The following RBCK1 variants were observed in gnomAD, a reference collection of about 807,000 sequenced individuals.
RBCK1 encodes the protein RANBP2-type and C3HC4-type zinc finger containing 1.
A neutral mutation model predicts 71.1 loss-of-function variants in RBCK1; 44 were observed. That is an observed-to-expected ratio of 0.62 (90% confidence interval 0.49 to 0.80). RBCK1 has a LOEUF of 0.80. Among genes scored for constraint, RBCK1 ranks in the 30% least tolerant of loss-of-function variants. RBCK1 has a pLI of 0.00. For missense variants in RBCK1, 569 were observed against 685.0 expected, an observed-to-expected ratio of 0.83 and a Z score of 1.89; for synonymous variants, 306 against 279.7, an observed-to-expected ratio of 1.09 and a Z score of -0.94.
rs2016064643 is a variant in RBCK1, at chr20:417,480, G to A, written c.168-46G>A. 1.3e-6 allele frequency: 2 copies of A among 1,574,440 alleles called. No homozygotes were observed. Among genetic ancestry groups the A allele is most frequent in the Admixed American group, 1.7e-5 (1 of 59,918 alleles). ...ATGTCTGTAGCCGGTGGCTGAGGCTGGACCCCTGGCCAGAGCCCATGCTGA... is the reference window on the plus strand; with the variant it reads ...ATGTCTGTAGCCGGTGGCTGAGGCTAGACCCCTGGCCAGAGCCCATGCTGA... On this transcript the variant is annotated intron_variant, in intron 2 of 11. Transcript: ENST00000356286. This position sits in a 1 kb window ranked among gnomAD's most constrained non-coding sequence, Gnocchi z 4.7.
chr20:415,528 G>A (rs1234157688), intron 2 of RBCK1, among the ~76,000 whole-genome samples: 2 of 152,034 alleles, frequency 1.3e-5, no homozygotes, highest in Non-Finnish European at 2.9e-5. Context: ...AGCCAAACAA[G>A]ATCTACATGT....
intron 8 of RBCK1, among the ~76,000 whole-genome samples, chr20:423,019 T>C (rs1349020731): frequency 6.6e-6 from 1 of 151,854 alleles, no homozygotes; most frequent in Non-Finnish European, 1.5e-5. Context: ...TAGTAGTACA[T>C]CCAGGCGCAG....
chr20:422,688 C>T lies in RBCK1; in HGVS notation c.1029+450C>T, dbSNP rs527251870. Among the ~76,000 whole-genome samples the T allele has an allele frequency of 2.6e-4, 40 of 152,154 alleles. No homozygotes were observed. The highest frequency in any genetic ancestry group is 2.1e-3 in the Admixed American group (32 of 15,272). ...AAAAATAGCCAGGCGCGGGGGCATG[C>T]GCCTGTAGTCCTAGCTACTTGGGTG... On this transcript the variant is annotated intron_variant, in intron 8 of 11. Transcript: ENST00000356286. The surrounding 1 kb of genome is among the most constrained non-coding windows in gnomAD (Gnocchi z 5.0).
chr20:423,119 G>C (rs527577878), intron 8 of RBCK1, among the ~76,000 whole-genome samples: 1 of 152,312 alleles, frequency 6.6e-6, no homozygotes, highest in East Asian at 1.9e-4. Flanking sequence ...GACTAACATG[G>C]AGAAACCCCA....
At chr20:419,314 G>T (rs745843150) in intron 4 of RBCK1, 33 bp from the exon 5 acceptor site, 1 of 1,610,832 alleles carries the variant, frequency 6.2e-7, no homozygotes, top group Admixed American at 1.7e-5. Context: ...AGTGGGCCGC[G>T]TGGAACCACC....
intron 2 of RBCK1, among the ~76,000 whole-genome samples, chr20:411,732 G>C (rs116063345): frequency 9.1e-4 from 139 of 152,270 alleles, no homozygotes; most frequent in African/African-American, 3.3e-3. Context: ...GGCTGGTCTT[G>C]AACTTCTGGC....
In RBCK1 at chr20:417,395, T is replaced by TTGTGTGTG. The variant is rs67707964; in HGVS notation, c.168-110_168-103dup. On this transcript the variant is annotated intron_variant, in intron 2 of 11. Coordinates refer to ENST00000356286, the MANE Select transcript of RBCK1 (RefSeq NM_031229.4). This position sits in a 1 kb window ranked among gnomAD's most constrained non-coding sequence, Gnocchi z 4.7. The stretch of plus-strand genomic sequence containing the variant: ...GGTGGGGCCTACCCCAGACTGGGGT[T>TTGTGTGTG]TGTGTGTGTGTGTGTGTGTGTGTGT... 1.9e-3 allele frequency: 1,455 copies of TTGTGTGTG among 765,710 alleles called. 2 individuals carry two copies. In the South Asian group the frequency reaches 0.02, roughly 10 times the overall value. 47.4% of individuals were successfully genotyped at this position (765,710 alleles called of 1,614,324 possible).
In RBCK1 at chr20:420,974, C is replaced by A; in HGVS notation, c.860C>A (p.Ser287Ter). Residue 287 changes from serine to a stop codon, truncating the protein, a stop_gained, in exon 7 of 12, where the codon TCG (serine) becomes TAG (stop). Transcript: ENST00000356286. LOFTEE classifies it high-confidence loss of function. The stretch of plus-strand genomic sequence containing the variant: ...CCCGCCGAGTGCCCCGTGTGCTACT[C>A]GGTGCTGGCGCCCGGCGAGGCCGTG... ...TEPAECPVCY[S>*]VLAPGEAVVL... 1 of 1,562,444 alleles carries A rather than the reference C, an allele frequency of 6.4e-7. No individual in the cohort carries two copies.
intron 7 of RBCK1, 146 bp from the exon 8 acceptor site, chr20:421,981 G>T (rs1342732107): frequency 4.9e-6 from 3 of 611,790 alleles, no homozygotes; most frequent in East Asian, 2.8e-5. Context: ...TTGGTGAGAG[G>T]GATGGGAAGG....
intron 8 of RBCK1, among the ~76,000 whole-genome samples, chr20:425,934 T>G (rs933282959): frequency 1.3e-5 from 2 of 152,222 alleles, no homozygotes; most frequent in Admixed American, 6.5e-5. Context: ...TGGTGCATCT[T>G]ATATATTATT....
intron 2 of RBCK1, among the ~76,000 whole-genome samples, chr20:411,618 A>G (rs76201975): frequency 6.6e-6 from 1 of 151,242 alleles, no homozygotes; most frequent in Non-Finnish European, 1.5e-5. Flanking sequence ...CCGCCCGCCT[A>G]TGCCTCCCAA....
At chr20:429,243 T>G in intron 11 of RBCK1, 149 bp downstream of exon 11, 2 of 1,008,134 alleles carry the variant, frequency 2.0e-6, no homozygotes, top group Admixed American at 3.5e-5. Context: ...TTTTTTTTTT[T>G]GAAACGGAGT....
Position 422,919 on chromosome 20 carries a change from G to T in RBCK1, c.1029+681G>T, listed in dbSNP as rs538163573. ...CAAGTCAGATATTTAACCTCTCTATGCCTCTATCTCATCTCTGTTAGAGTC... is the reference window on the plus strand; with the variant it reads ...CAAGTCAGATATTTAACCTCTCTATTCCTCTATCTCATCTCTGTTAGAGTC... On this transcript the variant is annotated intron_variant, in intron 8 of 11. Transcript: ENST00000356286. The surrounding 1 kb of genome is among the most constrained non-coding windows in gnomAD (Gnocchi z 5.0). Among the ~76,000 whole-genome samples, 1 of 152,210 alleles carries T rather than the reference G, an allele frequency of 6.6e-6. No individual in the cohort carries two copies. Among genetic ancestry groups the T allele is most frequent in the African/African-American group, 2.4e-5 (1 of 41,478 alleles).
rs987612411 is a variant in RBCK1 at position 421,073 on chromosome 20, A to C, written c.917+42A>C. On this transcript the variant is annotated intron_variant, in intron 7 of 11. Coordinates refer to ENST00000356286, the MANE Select transcript of RBCK1 (RefSeq NM_031229.4). ...CACCCCCGGCAATGCAGCTTAATCA[A>C]AGCCGCCAATTACGCAGGGCTGGAC... The C allele has an allele frequency of 4.7e-6, 7 of 1,494,638 alleles. No individual in the cohort carries two copies. The African/African-American group carries it at 9.8e-5, about 21-fold the overall frequency. 92.6% of individuals were successfully genotyped at this position (1,494,638 alleles called of 1,614,324 possible).
intron 2 of RBCK1, among the ~76,000 whole-genome samples, chr20:415,103 C>T (rs1203231816): frequency 2.0e-5 from 3 of 152,144 alleles, no homozygotes; most frequent in Admixed American, 6.6e-5. Flanking sequence ...TGGCGGGGCA[C>T]GATGGATGAT....
rs1466673954 is a variant in RBCK1, at chr20:431,335, CAG to C, written c.*906_*907del. Among the ~76,000 whole-genome samples, 1 of 152,038 alleles carries C rather than the reference CAG, an allele frequency of 6.6e-6. No homozygotes were observed. The highest frequency in any genetic ancestry group is 6.6e-5 in the Admixed American group (1 of 15,258). On this transcript the variant is annotated 3_prime_UTR_variant, in exon 12 of 12. Transcript: ENST00000356286. The surrounding 1 kb of genome is among the most constrained non-coding windows in gnomAD (Gnocchi z 4.8). ...AGTTCAAGAAGGAACGAAGCTGCTG[CAG>C]TTGAGGGGTGGGGTTGTCCATCCTA...
chr20:419,118 T>C (rs1418596577), intron 4 of RBCK1, among the ~76,000 whole-genome samples: 1 of 152,196 alleles, frequency 6.6e-6, no homozygotes, highest in Non-Finnish European at 1.5e-5. Flanking sequence ...GCTGGTGTTG[T>C]GCTGGGTTTT....
At chr20:419,206 C>A (rs773881698) in intron 4 of RBCK1, 141 bp from the exon 5 acceptor site, 653 of 1,162,284 alleles carry the variant, frequency 5.6e-4, no homozygotes, top group Non-Finnish European at 7.4e-4. Context: ...CCCACTTGGC[C>A]AGATGGAAGC....
At position 430,260 on chromosome 20, in the gene RBCK1, G is replaced by A; in HGVS notation, c.1453-90G>A. 1 of 1,194,564 alleles carries A rather than the reference G, an allele frequency of 8.4e-7. No homozygotes were observed. The highest frequency in any genetic ancestry group is 1.2e-6 in the Non-Finnish European group (1 of 817,604). The allele number at this position is 1,194,564 out of a possible 1,614,324, so 74.0% of individuals were successfully genotyped here. On this transcript the variant is annotated intron_variant, in intron 11 of 11. Transcript: ENST00000356286. The surrounding 1 kb of genome is among the most constrained non-coding windows in gnomAD (Gnocchi z 5.6). Reference sequence around the variant, plus strand: ...GGCCATTCTTGCAGGAGGACCTGCAGAGGCAAAGGCCCGGGGTGGGAGAGC... The same window carrying A: ...GGCCATTCTTGCAGGAGGACCTGCAAAGGCAAAGGCCCGGGGTGGGAGAGC...
Sources: gnomAD v4.1 joint callset for allele counts (sites outside exome capture counted in the v4.1 genomes callset) on GRCh38, gnomAD v4.1.1 for gene constraint, Gnocchi (gnomAD v3.1) non-coding constraint, MANE v1.5 for transcripts, NCBI Gene and HGNC (gene_info 2026-07-23, HGNC 2026-07-21) for gene names.